The following PDE3A variants were observed in gnomAD, a reference collection of about 807,000 sequenced individuals.
PDE3A encodes the protein phosphodiesterase 3A, also known as cGMP-inhibited 3',5'-cyclic phosphodiesterase 3A.
Under a neutral mutation model 98.3 loss-of-function variants are expected in PDE3A, and 43 were observed. That is an observed-to-expected ratio of 0.44 (90% CI 0.34 to 0.56). PDE3A has a LOEUF of 0.56. Ranked by LOEUF, PDE3A falls within the 20% of genes least tolerant of loss-of-function variation. The probability of loss-of-function intolerance (pLI) is 0.01; values close to 1 mark genes in which losing one functional copy is unlikely to be tolerated. For missense variants in PDE3A, 1,427 were observed against 1,440.7 expected (o/e 0.99, Z 0.15); for synonymous variants, 663 against 567.9 (o/e 1.17, Z -2.38).
chr12:20,386,070 A>AAATATAAAATATATAT (rs1565532446), intron 1 of PDE3A, among the ~76,000 whole-genome samples: 3 of 37,116 alleles, frequency 8.1e-5, no homozygotes, highest in African/African-American at 3.1e-4. Flanking sequence ...AAATATATAT[A>AAATATAAAATATATAT]AAATATATAT....
At chr12:20,485,604 A>C (rs1053615835) in intron 1 of PDE3A, among the ~76,000 whole-genome samples, 1 of 152,164 alleles carries the variant, frequency 6.6e-6, no homozygotes, top group African/African-American at 2.4e-5. Flanking sequence ...TTTAGTAAGA[A>C]AATGGACTGA....
chr12:20,507,504 G>C (rs1487421489), intron 1 of PDE3A, among the ~76,000 whole-genome samples: 1 of 151,910 alleles, frequency 6.6e-6, no homozygotes, highest in East Asian at 1.9e-4. Context: ...AGTTCATATC[G>C]ACAGCTTCCC....
chr12:20,536,947 A>G (rs1941764287), intron 1 of PDE3A, among the ~76,000 whole-genome samples: 2 of 152,080 alleles, frequency 1.3e-5, no homozygotes. Flanking sequence ...CCTTGTTTAT[A>G]AGTTTGAGAA....
intron 2 of PDE3A, among the ~76,000 whole-genome samples, chr12:20,566,745 A>G (rs982152517): frequency 5.3e-5 from 8 of 151,998 alleles, no homozygotes; most frequent in Admixed American, 4.6e-4. Flanking sequence ...CATGAAGCAA[A>G]AAGAACATGG....
chr12:20,537,104 G>T (rs1046492690), intron 1 of PDE3A, among the ~76,000 whole-genome samples: 1 of 152,022 alleles, frequency 6.6e-6, no homozygotes, highest in Non-Finnish European at 1.5e-5. Context: ...ATACTGATGG[G>T]TATAAGATGG....
intron 15 of PDE3A, among the ~76,000 whole-genome samples, chr12:20,664,321 T>TG (rs1945254043): frequency 6.6e-6 from 1 of 152,158 alleles, no homozygotes; most frequent in Non-Finnish European, 1.5e-5. Context: ...TTGGCTCAAG[T>TG]CTAAAATCGT....
At chr12:20,631,700 ATTTTTTT>A (rs58133440) in intron 6 of PDE3A, among the ~76,000 whole-genome samples, 1 of 116,876 alleles carries the variant, frequency 8.6e-6, no homozygotes, top group Non-Finnish European at 1.8e-5. Context: ...ATCATAGTGT[ATTTTTTT>A]TTTTTTTTTG....
intron 1 of PDE3A, among the ~76,000 whole-genome samples, chr12:20,518,927 T>C (rs1290652910): frequency 9.2e-5 from 14 of 152,208 alleles, no homozygotes; most frequent in Admixed American, 5.2e-4. Flanking sequence ...AACTGAGGAA[T>C]TGAATTTTTT....
At chr12:20,514,482 C>T (rs1477183975) in intron 1 of PDE3A, among the ~76,000 whole-genome samples, 2 of 152,102 alleles carry the variant, frequency 1.3e-5, no homozygotes, top group Non-Finnish European at 1.5e-5. Flanking sequence ...TATGCAATGG[C>T]AGTAACGTTA....
chr12:20,470,039 G>T (rs1945409524), intron 1 of PDE3A, among the ~76,000 whole-genome samples: 1 of 151,542 alleles, frequency 6.6e-6, no homozygotes, highest in East Asian at 1.9e-4. Context: ...CTATCTCCAA[G>T]TCTTCCTGGA....
At chr12:20,522,522 A>G (rs1403781855) in intron 1 of PDE3A, among the ~76,000 whole-genome samples, 1 of 152,210 alleles carries the variant, frequency 6.6e-6, no homozygotes, top group African/African-American at 2.4e-5. Flanking sequence ...AAGAAGATGG[A>G]CAGTGTAAAA....
intron 1 of PDE3A, among the ~76,000 whole-genome samples, chr12:20,523,430 T>C (rs547041368): frequency 6.6e-6 from 1 of 152,352 alleles, no homozygotes; most frequent in African/African-American, 2.4e-5. Flanking sequence ...TCAGTTGTGA[T>C]CTTGTCTTCT....
intron 15 of PDE3A, among the ~76,000 whole-genome samples, chr12:20,674,438 T>C (rs1945579867): frequency 6.6e-6 from 1 of 152,168 alleles, no homozygotes; most frequent in Non-Finnish European, 1.5e-5. Context: ...TTTTATTATG[T>C]GTGGTGTTTA....
At chr12:20,669,367 C>T (rs1263415035) in intron 15 of PDE3A, among the ~76,000 whole-genome samples, 1 of 151,884 alleles carries the variant, frequency 6.6e-6, no homozygotes, top group Non-Finnish European at 1.5e-5. Flanking sequence ...AGATACTCCT[C>T]AAGAAGAGCA....
chr12:20,379,221 C>G (rs1943622156), intron 1 of PDE3A, among the ~76,000 whole-genome samples: 1 of 151,772 alleles, frequency 6.6e-6, no homozygotes, highest in African/African-American at 2.4e-5. Flanking sequence ...AATCAGCATC[C>G]TTAGCCCATT....
chr12:20,524,569 A>G (rs1565577201), intron 1 of PDE3A, among the ~76,000 whole-genome samples: 1 of 152,114 alleles, frequency 6.6e-6, no homozygotes, highest in South Asian at 2.1e-4. Flanking sequence ...TTAAATTGTG[A>G]AACAGATCAC....
intron 1 of PDE3A, among the ~76,000 whole-genome samples, chr12:20,421,608 A>G (rs1591913985): frequency 6.6e-6 from 1 of 151,264 alleles, no homozygotes; most frequent in East Asian, 1.9e-4. Flanking sequence ...TAAAAAAAAA[A>G]AAAAAAACCA....
chr12:20,572,597 T>G (rs1382330797), intron 2 of PDE3A, among the ~76,000 whole-genome samples: 1 of 152,064 alleles, frequency 6.6e-6, no homozygotes, highest in East Asian at 1.9e-4. Context: ...TTTTTTCCTA[T>G]TTTCCTCGTG....
At position 20,687,914 on chromosome 12, in the gene PDE3A, G is replaced by GGAAA. The variant is rs749958533; in HGVS notation, c.*7643_*7644insGAAA. Among the ~76,000 whole-genome samples, 1 of 94,312 alleles carries GGAAA rather than the reference G, an allele frequency of 1.1e-5. No homozygotes were observed. The highest frequency in any genetic ancestry group is 1.9e-5 in the Non-Finnish European group (1 of 51,328). The allele number at this position is 94,312 out of a possible 152,430, so 61.9% of individuals were successfully genotyped here. A position where few individuals can be genotyped will look rare whatever the true frequency, so the allele number is the denominator to read the frequency against. ...GACCAGTCATTACCTCTTCCCAACA[G>GGAAA]AAAAAAAAAAAAAAAAAAAAAAACT... On this transcript the variant is annotated 3_prime_UTR_variant, in exon 16 of 16. Transcript: ENST00000359062.
Sources: gnomAD v4.1 joint callset for allele counts (sites outside exome capture counted in the v4.1 genomes callset) on GRCh38, gnomAD v4.1.1 for gene constraint, MANE v1.5 for transcripts, NCBI Gene and HGNC (gene_info 2026-07-23, HGNC 2026-07-21) for gene names.